Variants in LARGE1 observed in about 807,000 individuals in gnomAD.
LARGE1 encodes LARGE xylosyl- and glucuronyltransferase 1.
Under a neutral mutation model 87.6 loss-of-function variants are expected in LARGE1, and 43 were observed. The observed-to-expected ratio is 0.49, with a 90% CI of 0.38 to 0.63. The LOEUF (loss-of-function observed/expected upper bound fraction) is 0.63, where lower values mean the gene tolerates loss of function less well. Among genes scored for constraint, LARGE1 ranks in the 30% least tolerant of loss-of-function variants. The pLI is 0.00. For synonymous variants in LARGE1, 434 were observed against 394.6 expected, an observed-to-expected ratio of 1.10 and a Z score of -1.18; for missense variants, 802 against 1,000.2, an observed-to-expected ratio of 0.80 and a Z score of 2.67.
In LARGE1 at chr22:33,761,435, G is replaced by A; in HGVS notation, c.42C>T (p.Ala14=). Residue 14 remains alanine (A), a synonymous_variant, in exon 2 of 15, where the codon GCC becomes GCT. Transcript: ENST00000397394. Reference sequence around the variant, plus strand: ...CTGGGATGCAGAGAAGACTCAACGAGGCAGCCAAGAATTTCCGTCTCCCCC... The same window carrying A: ...CTGGGATGCAGAGAAGACTCAACGAAGCAGCCAAGAATTTCCGTCTCCCCC... The part of the protein sequence containing the change: ...ICRGRRKFLA[A]SLSLLCIPAI... The A allele has an allele frequency of 6.2e-7, 1 of 1,614,020 alleles. No individual in the cohort carries two copies. Among genetic ancestry groups the A allele is most frequent in the Non-Finnish European group, 8.5e-7 (1 of 1,180,024 alleles).
intron 2 of LARGE1, among the ~76,000 whole-genome samples, chr22:33,670,494 C>T (rs1441599791): frequency 1.3e-5 from 2 of 151,900 alleles, no homozygotes; most frequent in African/African-American, 4.8e-5. Context: ...AAACTGTGTG[C>T]CAAGGTGCCC....
chr22:33,828,309 A>G lies in LARGE1; in HGVS notation c.-82-66751T>C, dbSNP rs532907764. ...CACAGGTGATTGGATGGGAGTTCTT[A>G]AAGAATCCAGGGCATCCTGAGAGAG... On this transcript the variant is annotated intron_variant, in intron 1 of 14. Transcript: ENST00000397394. Among the ~76,000 whole-genome samples the G allele has an allele frequency of 2.0e-5, 3 of 152,366 alleles. No homozygotes were observed. The East Asian group carries it at 5.8e-4, about 29-fold the overall frequency.
At chr22:33,760,722 C>A (rs985488583) in intron 2 of LARGE1, among the ~76,000 whole-genome samples, 4 of 152,098 alleles carry the variant, frequency 2.6e-5, no homozygotes, top group Non-Finnish European at 5.9e-5. Flanking sequence ...GAGATGGAGA[C>A]CATCCTGGCC....
At chr22:33,620,082 G>C (rs142411709) in intron 4 of LARGE1, among the ~76,000 whole-genome samples, 1,563 of 152,154 alleles carry the variant, frequency 0.01, 26 homozygotes, top group African/African-American at 0.036. Flanking sequence ...ATTCAAGCCT[G>C]AATAAGGGAT....
intron 5 of LARGE1, among the ~76,000 whole-genome samples, chr22:33,575,434 C>A (rs948460304): frequency 1.3e-5 from 2 of 152,182 alleles, no homozygotes; most frequent in African/African-American, 4.8e-5. Context: ...GGCTTCTTGG[C>A]TGTACTTCTT....
chr22:33,355,561 G>T (rs1940812174), intron 9 of LARGE1, among the ~76,000 whole-genome samples: 1 of 152,152 alleles, frequency 6.6e-6, no homozygotes, highest in East Asian at 1.9e-4. Flanking sequence ...GCTCACCTTG[G>T]TTACTCTTCT....
the LARGE1 span, among the ~76,000 whole-genome samples, chr22:33,098,339 G>C: frequency 6.6e-6 from 1 of 152,112 alleles, no homozygotes; most frequent in Admixed American, 6.5e-5. Context: ...ATAAAAATAG[G>C]CCGGGCGCAG....
At chr22:33,575,581 G>A (rs149415885) in intron 5 of LARGE1, among the ~76,000 whole-genome samples, 141 of 152,292 alleles carry the variant, frequency 9.3e-4, no homozygotes, top group African/African-American at 3.3e-3. Context: ...AGGAAATGTT[G>A]AGAGAGCCTG....
At chr22:33,845,118 T>C (rs773467710) in intron 1 of LARGE1, among the ~76,000 whole-genome samples, 18 of 152,262 alleles carry the variant, frequency 1.2e-4, no homozygotes, top group African/African-American at 2.2e-4. Flanking sequence ...GCATCTGTGA[T>C]TGAAGTGTAT....
the LARGE1 span, among the ~76,000 whole-genome samples, chr22:33,073,769 G>C: frequency 1.5e-4 from 23 of 152,108 alleles, no homozygotes; most frequent in Non-Finnish European, 3.1e-4. Context: ...AGAAAATTGC[G>C]TTAATACGAG....
At chr22:33,381,810 TTA>T in intron 9 of LARGE1, 107 bp downstream of exon 9, 1 of 1,421,926 alleles carries the variant, frequency 7.0e-7, no homozygotes, top group Non-Finnish European at 9.9e-7. Context: ...TCCTGTGCCC[TTA>T]TCTCTCTCAC....
chr22:33,501,258 T>C (rs1382890619), intron 6 of LARGE1, among the ~76,000 whole-genome samples: 3 of 152,222 alleles, frequency 2.0e-5, no homozygotes, highest in Non-Finnish European at 4.4e-5. Context: ...TTATGTATAC[T>C]TCAAAGGCAG....
intron 2 of LARGE1, among the ~76,000 whole-genome samples, chr22:33,751,616 G>C (rs924756544): frequency 1.3e-5 from 2 of 152,120 alleles, no homozygotes; most frequent in East Asian, 1.9e-4. Flanking sequence ...ATCTGAATTG[G>C]TAAGAGCCTA....
At chr22:33,196,831 A>T (rs1476762974) in intron 11 of LARGE1, among the ~76,000 whole-genome samples, 1 of 152,096 alleles carries the variant, frequency 6.6e-6, no homozygotes, top group African/African-American at 2.4e-5. Flanking sequence ...AGAAAAGAGA[A>T]TTACAGGCCA....
At position 33,880,814 on chromosome 22, in the gene LARGE1, C is replaced by T. The variant is rs1480650374; in HGVS notation, c.-83+39181G>A. On this transcript the variant is annotated intron_variant, in intron 1 of 14. Coordinates refer to ENST00000397394, the MANE Select transcript of LARGE1 (RefSeq NM_133642.5). ...ACATACATATTAACATAAGTATATG[C>T]TTCTCCCTCACACCTGCCTCGCTGT... Among the ~76,000 whole-genome samples the T allele has an allele frequency of 2.0e-5, 3 of 152,310 alleles. No homozygotes were observed. In the East Asian group the frequency reaches 5.8e-4, roughly 29 times the overall value.
chr22:33,709,643 T>TG (rs992890871), intron 2 of LARGE1, among the ~76,000 whole-genome samples: 2 of 150,878 alleles, frequency 1.3e-5, no homozygotes, highest in Admixed American at 6.6e-5. Context: ...TTTTTTTTTT[T>TG]GAGACGGAGT....
At chr22:33,283,528 C>T (rs1023431041) in intron 12 of LARGE1, among the ~76,000 whole-genome samples, 180 bp from the exon 13 acceptor site, 1 of 152,074 alleles carries the variant, frequency 6.6e-6, no homozygotes, top group Admixed American at 6.5e-5. Context: ...GTAATCCCAG[C>T]CTTTGAGAGG....
chr22:33,791,619 T>C (rs2085827075), intron 1 of LARGE1, among the ~76,000 whole-genome samples: 1 of 152,200 alleles, frequency 6.6e-6, no homozygotes. Flanking sequence ...AACAATGCCT[T>C]ATCATTAGGT....
At chr22:33,795,953 C>T (rs549436393) in intron 1 of LARGE1, among the ~76,000 whole-genome samples, 30 of 147,662 alleles carry the variant, frequency 2.0e-4, no homozygotes, top group African/African-American at 6.3e-4. Flanking sequence ...ACATATGTAA[C>T]AAACCTGCAT....
Sources: allele counts gnomAD v4.1 joint callset (sites outside exome capture counted in the v4.1 genomes callset), GRCh38; gene constraint gnomAD v4.1.1; transcripts MANE v1.5; gene names NCBI Gene and HGNC (gene_info 2026-07-23, HGNC 2026-07-21).